Variants in ADARB2 observed in about 807,000 individuals in gnomAD.
The protein encoded by ADARB2 is adenosine deaminase RNA specific B2 (inactive).
In ADARB2, 25 loss-of-function variants were observed where a neutral mutation model predicts 62.2. The observed-to-expected ratio is 0.40, with a 90% confidence interval of 0.29 to 0.56. The LOEUF (loss-of-function observed/expected upper bound fraction) is 0.56, where lower values mean the gene tolerates loss of function less well. ADARB2 is among the 20% of genes least tolerant of loss of function. The pLI, the probability that ADARB2 is intolerant of heterozygous loss-of-function variation, is 0.43. For synonymous variants in ADARB2, 572 were observed against 500.8 expected (o/e 1.14, Z -1.90); for missense variants, 1,071 against 1,077.4 (o/e 0.99, Z 0.08).
intron 1 of ADARB2, among the ~76,000 whole-genome samples, chr10:1,478,863 A>G (rs1831434517): frequency 6.6e-6 from 1 of 152,176 alleles, no homozygotes; most frequent in Non-Finnish European, 1.5e-5. Context: ...GGAGTGCCAA[A>G]ATAAGGACCC....
chr10:1,643,641 G>A (rs976920899), intron 1 of ADARB2, among the ~76,000 whole-genome samples: 1 of 152,242 alleles, frequency 6.6e-6, no homozygotes, highest in Non-Finnish European at 1.5e-5. Flanking sequence ...TGCGAAGCGC[G>A]TCAGAACCAC....
intron 1 of ADARB2, among the ~76,000 whole-genome samples, chr10:1,657,251 G>A (rs1834183288): frequency 6.6e-6 from 1 of 152,160 alleles, no homozygotes; most frequent in African/African-American, 2.4e-5. Context: ...AAAGCTCAAT[G>A]GCACAGCTCA....
At chr10:1,460,523 A>G (rs1467709931) in intron 1 of ADARB2, among the ~76,000 whole-genome samples, 2 of 73,344 alleles carry the variant, frequency 2.7e-5, no homozygotes, top group Admixed American at 2.6e-4. Context: ...TACCTGCGTA[A>G]CGAACCTGCC....
intron 4 of ADARB2, among the ~76,000 whole-genome samples, chr10:1,265,962 A>ACTCTCC (rs1409219636): frequency 1.2e-5 from 1 of 80,082 alleles, no homozygotes. Flanking sequence ...GGGGGCCCAG[A>ACTCTCC]CTCTCCCGGA....
intron 1 of ADARB2, among the ~76,000 whole-genome samples, chr10:1,609,782 T>G (rs1441238670): frequency 6.6e-6 from 1 of 151,988 alleles, no homozygotes. Flanking sequence ...CTGCAAAGAG[T>G]GTGTCGCCCT....
intron 1 of ADARB2, among the ~76,000 whole-genome samples, chr10:1,393,737 A>C (rs1832589158): frequency 1.3e-5 from 2 of 152,230 alleles, no homozygotes; most frequent in Admixed American, 1.3e-4. Flanking sequence ...CACACACCAG[A>C]TTGTTCTGTG....
rs191425986 is a variant in ADARB2, at chr10:1,188,700, C to T, written c.1865-3661G>A. ...TCACACAGGCAGTAGTTTCTGACATCGCTGTGACTAATATCTGCAGCTGAT... is the reference window on the plus strand; with the variant it reads ...TCACACAGGCAGTAGTTTCTGACATTGCTGTGACTAATATCTGCAGCTGAT... On this transcript the variant is annotated intron_variant, in intron 8 of 9. Transcript: ENST00000381312. Among the ~76,000 whole-genome samples the T allele has an allele frequency of 4.7e-5, 7 of 150,314 alleles. No homozygotes were observed. In the East Asian group the frequency reaches 5.9e-4, roughly 13 times the overall value.
At chr10:1,723,577 T>C (rs1231005693) in intron 1 of ADARB2, among the ~76,000 whole-genome samples, 1 of 152,178 alleles carries the variant, frequency 6.6e-6, no homozygotes, top group African/African-American at 2.4e-5. Flanking sequence ...AAGCAGACCT[T>C]ATCAAACCTG....
chr10:1,316,245 G>C (rs1245664105), intron 3 of ADARB2, among the ~76,000 whole-genome samples: 1 of 152,252 alleles, frequency 6.6e-6, no homozygotes, highest in Non-Finnish European at 1.5e-5. Flanking sequence ...CCCTGTGACA[G>C]GCGGCGTCAC....
chr10:1,523,222 A>T (rs1176703015), intron 1 of ADARB2, among the ~76,000 whole-genome samples: 1 of 152,228 alleles, frequency 6.6e-6, no homozygotes, highest in African/African-American at 2.4e-5. Flanking sequence ...CTGATGACAA[A>T]TTAATTAATA....
At position 1,271,162 on chromosome 10, in the gene ADARB2, C is replaced by T. The variant is rs993779633; in HGVS notation, c.1078-93G>A. 2.8e-5 allele frequency: 28 copies of T among 1,011,546 alleles called. No individual in the cohort carries two copies. The African/African-American group carries it at 4.3e-4, about 16-fold the overall frequency. The allele number at this position is 1,011,546 out of a possible 1,614,324, so 62.7% of individuals were successfully genotyped here. A position where few individuals can be genotyped will look rare whatever the true frequency, so the allele number is the denominator to read the frequency against. On this transcript the variant is annotated intron_variant, in intron 3 of 9. Transcript: ENST00000381312. The stretch of plus-strand genomic sequence containing the variant: ...TCCTCCCCGTCCTCACAGCCTCATC[C>T]CCATGTGGCCACACATGGGCCTGCT...
chr10:1,415,853 G>A (rs1253722007), intron 1 of ADARB2, among the ~76,000 whole-genome samples: 1 of 152,056 alleles, frequency 6.6e-6, no homozygotes, highest in African/African-American at 2.4e-5. Flanking sequence ...CCTATTTATT[G>A]CCCCTAAAGC....
At chr10:1,258,605 C>G (rs201450537) in intron 4 of ADARB2, among the ~76,000 whole-genome samples, 1 of 152,276 alleles carries the variant, frequency 6.6e-6, no homozygotes, top group Admixed American at 6.5e-5. Flanking sequence ...ACTAACTATT[C>G]TAAATATATA....
At chr10:1,369,074 A>G (rs1367193914) in intron 2 of ADARB2, among the ~76,000 whole-genome samples, 1 of 152,080 alleles carries the variant, frequency 6.6e-6, no homozygotes, top group Non-Finnish European at 1.5e-5. Context: ...CATGTGAACC[A>G]CTCACAGCTT....
At chr10:1,221,541 A>G (rs1229821562) in intron 6 of ADARB2, among the ~76,000 whole-genome samples, 2 of 151,774 alleles carry the variant, frequency 1.3e-5, no homozygotes, top group African/African-American at 2.4e-5. Context: ...AGCATTAGGT[A>G]TATCTCCTAA....
rs541626708 is a variant in ADARB2 at position 1,516,496 on chromosome 10, C to A, written c.101-137336G>T. ...TTTGTGTGGGCTGCTCTGTGCTATGCGGGCTGCTCTGTGCGGGCTGCTCTG... is the reference window on the plus strand; with the variant it reads ...TTTGTGTGGGCTGCTCTGTGCTATGAGGGCTGCTCTGTGCGGGCTGCTCTG... On this transcript the variant is annotated intron_variant, in intron 1 of 9. Coordinates refer to ENST00000381312, the MANE Select transcript of ADARB2 (RefSeq NM_018702.4). Among the ~76,000 whole-genome samples, 207 of 151,482 alleles carry A rather than the reference C, an allele frequency of 1.4e-3. 1 individual carries two copies. Among genetic ancestry groups the A allele is most frequent in the Non-Finnish European group, 2.5e-3 (169 of 67,842 alleles).
chr10:1,656,670 T>C (rs1200238648), intron 1 of ADARB2, among the ~76,000 whole-genome samples: 1 of 152,202 alleles, frequency 6.6e-6, no homozygotes, highest in Non-Finnish European at 1.5e-5. Flanking sequence ...GATTTGGGAC[T>C]CTCACGCGTC....
intron 7 of ADARB2, among the ~76,000 whole-genome samples, chr10:1,209,394 C>A (rs1454948869): frequency 6.8e-6 from 1 of 147,568 alleles, no homozygotes; most frequent in East Asian, 2.0e-4. Context: ...CTCACCCACA[C>A]CCACACTATC....
At chr10:1,200,333 T>A (rs1564218031) in intron 7 of ADARB2, 186 bp from the exon 8 acceptor site, 2 of 752,322 alleles carry the variant, frequency 2.7e-6, no homozygotes, top group Admixed American at 2.1e-5. Flanking sequence ...CACTGTTGCC[T>A]GGGACTGGGC....
Sources: allele counts gnomAD v4.1 joint callset (sites outside exome capture counted in the v4.1 genomes callset), GRCh38; gene constraint gnomAD v4.1.1; transcripts MANE v1.5; gene names NCBI Gene and HGNC (gene_info 2026-07-23, HGNC 2026-07-21).